Variants in METTL24 observed in about 807,000 individuals in gnomAD.
METTL24 encodes the protein probable methyltransferase-like protein 24.
A neutral mutation model predicts 32.7 loss-of-function variants in METTL24; 29 were observed. The observed-to-expected ratio is 0.89, with a 90% CI of 0.66 to 1.21. The LOEUF (loss-of-function observed/expected upper bound fraction) is 1.21, where lower values mean the gene tolerates loss of function less well. Among genes scored for constraint, METTL24 ranks in the 50% most tolerant of loss-of-function variants. The pLI, the probability that METTL24 is intolerant of heterozygous loss-of-function variation, is 0.00. For synonymous variants in METTL24, 163 were observed against 179.5 expected (o/e 0.91, Z 0.73); for missense variants, 439 against 468.1 (o/e 0.94, Z 0.57).
chr6:110,286,142 A>G (rs1771216407), intron 4 of METTL24, among the ~76,000 whole-genome samples: 1 of 152,110 alleles, frequency 6.6e-6, no homozygotes, highest in South Asian at 2.1e-4. Context: ...AGGAATGGGG[A>G]ACTCATCGAC....
chr6:110,335,718 C>T (rs1448573071), intron 1 of METTL24, among the ~76,000 whole-genome samples: 3 of 151,978 alleles, frequency 2.0e-5, no homozygotes, highest in Non-Finnish European at 4.4e-5. Context: ...ACCTATTGTA[C>T]TGGTAGGGGG....
chr6:110,290,017 T>A (rs917600147), intron 4 of METTL24, among the ~76,000 whole-genome samples: 1 of 152,092 alleles, frequency 6.6e-6, no homozygotes, highest in East Asian at 1.9e-4. Flanking sequence ...AGTGGCTCAA[T>A]TGATCCTCCT....
At chr6:110,258,704 A>G (rs1778430542) in intron 4 of METTL24, among the ~76,000 whole-genome samples, 1 of 152,106 alleles carries the variant, frequency 6.6e-6, no homozygotes, top group Non-Finnish European at 1.5e-5. Context: ...ACCAAATAAT[A>G]TACTCAAGAT....
At chr6:110,332,921 A>AG (rs1048738924) in intron 1 of METTL24, among the ~76,000 whole-genome samples, 1 of 152,048 alleles carries the variant, frequency 6.6e-6, no homozygotes, top group African/African-American at 2.4e-5. Context: ...AAAAAAAAAA[A>AG]AAGCAAGTGT....
chr6:110,290,284 T>C (rs1771296414), intron 4 of METTL24, among the ~76,000 whole-genome samples: 1 of 152,194 alleles, frequency 6.6e-6, no homozygotes, highest in African/African-American at 2.4e-5. Flanking sequence ...TATAGAATGT[T>C]TCCATCACCC....
chr6:110,312,367 G>C (rs535563262), intron 3 of METTL24, among the ~76,000 whole-genome samples: 2 of 152,282 alleles, frequency 1.3e-5, no homozygotes, highest in Non-Finnish European at 2.9e-5. Flanking sequence ...TCCAAAGGAA[G>C]GGAAAGCAGT....
chr6:110,286,209 G>GTCT (rs1219395530), intron 4 of METTL24, among the ~76,000 whole-genome samples: 7 of 151,960 alleles, frequency 4.6e-5, no homozygotes, highest in Non-Finnish European at 1.0e-4. Context: ...CCTGACCCCC[G>GTCT]TCTTGTTTCA....
intron 4 of METTL24, among the ~76,000 whole-genome samples, chr6:110,294,268 G>T (rs1173250496): frequency 6.6e-6 from 1 of 151,858 alleles, no homozygotes; most frequent in Non-Finnish European, 1.5e-5. Context: ...ATTGGCATTT[G>T]AAATTTTTTG....
At chr6:110,340,497 C>A (rs539917070) in intron 1 of METTL24, among the ~76,000 whole-genome samples, 1 of 152,140 alleles carries the variant, frequency 6.6e-6, no homozygotes, top group Non-Finnish European at 1.5e-5. Flanking sequence ...TCACAGGAGC[C>A]CTGGGCTAGG....
chr6:110,356,726 A>G (rs1772707163), intron 1 of METTL24, among the ~76,000 whole-genome samples: 1 of 152,216 alleles, frequency 6.6e-6, no homozygotes, highest in South Asian at 2.1e-4. Flanking sequence ...GTGAATTAGG[A>G]ACTTGGAGAG....
chr6:110,281,330 G>T (rs1346909727), intron 4 of METTL24, among the ~76,000 whole-genome samples: 1 of 152,100 alleles, frequency 6.6e-6, no homozygotes, highest in Non-Finnish European at 1.5e-5. Context: ...ATTGAATTGA[G>T]ACCTTGCACA....
chr6:110,267,390 C>T (rs547543994), intron 4 of METTL24, among the ~76,000 whole-genome samples: 3 of 152,168 alleles, frequency 2.0e-5, no homozygotes, highest in African/African-American at 7.2e-5. Context: ...AGACCAGTAC[C>T]TATTACTTAT....
chr6:110,343,282 C>T (rs1030769276), intron 1 of METTL24, among the ~76,000 whole-genome samples: 1 of 152,146 alleles, frequency 6.6e-6, no homozygotes, highest in Non-Finnish European at 1.5e-5. Context: ...AATATATTTC[C>T]CCTGTACCAT....
intron 4 of METTL24, among the ~76,000 whole-genome samples, chr6:110,263,970 T>G (rs1469770019): frequency 6.6e-6 from 1 of 152,148 alleles, no homozygotes; most frequent in Non-Finnish European, 1.5e-5. Flanking sequence ...AAAAATTAAT[T>G]CAAGGTGGAT....
At chr6:110,308,640 G>A (rs1431565033) in intron 3 of METTL24, among the ~76,000 whole-genome samples, 1 of 152,122 alleles carries the variant, frequency 6.6e-6, no homozygotes, top group African/African-American at 2.4e-5. Context: ...GTACAGGAAT[G>A]TTCATAGCAA....
At chr6:110,254,122 T>A in intron 4 of METTL24, 1 of 474,958 alleles carries the variant, frequency 2.1e-6, no homozygotes, top group Non-Finnish European at 3.5e-6. Context: ...ATGATTTAAT[T>A]TATTTAATCA....
At chr6:110,310,696 C>A (rs1034466908) in intron 3 of METTL24, among the ~76,000 whole-genome samples, 2 of 152,172 alleles carry the variant, frequency 1.3e-5, no homozygotes, top group Admixed American at 1.3e-4. Context: ...CAGACAAATG[C>A]CTTTTCCATT....
chr6:110,350,743 T>C (rs1201656884), intron 1 of METTL24, among the ~76,000 whole-genome samples: 4 of 128,788 alleles, frequency 3.1e-5, no homozygotes, highest in Admixed American at 7.8e-5. Flanking sequence ...CTGAGCAACA[T>C]AGTGAGACCC....
At position 110,291,947 on chromosome 6, in the gene METTL24, C is replaced by T. The variant is rs145341249; in HGVS notation, c.786+6975G>A. ...CTTACATTGTCTTGAAATCAAGTAG[C>T]GTAAGCCTCTAACTTTGTTCTTTGT... is the stretch of plus-strand genomic sequence containing the variant. On this transcript the variant is annotated intron_variant, in intron 4 of 4. Coordinates refer to ENST00000338882, the MANE Select transcript of METTL24 (RefSeq NM_001123364.3). Among the ~76,000 whole-genome samples the T allele has an allele frequency of 1.5e-3, 236 of 152,288 alleles. 1 individual carries two copies. The highest frequency in any genetic ancestry group is 5.5e-3 in the African/African-American group (228 of 41,562).
Sources: gnomAD v4.1 joint callset for allele counts (sites outside exome capture counted in the v4.1 genomes callset) on GRCh38, gnomAD v4.1.1 for gene constraint, MANE v1.5 for transcripts, NCBI Gene and HGNC (gene_info 2026-07-23, HGNC 2026-07-21) for gene names.